MYRIP: variants seen among roughly 807,000 people sequenced by gnomAD.
The protein encoded by MYRIP is myosin VIIA and Rab interacting protein, also known as rab effector MyRIP.
A neutral mutation model predicts 98.0 loss-of-function variants in MYRIP; 49 were observed. The observed-to-expected ratio is 0.50, with a 90% CI of 0.40 to 0.63. MYRIP has a LOEUF of 0.63. Ranked by LOEUF, MYRIP falls within the 30% of genes least tolerant of loss-of-function variation. The pLI is 0.00. For synonymous variants in MYRIP, 404 were observed against 409.5 expected, an observed-to-expected ratio of 0.99 and a Z score of 0.16; for missense variants, 1,004 against 1,058.2, an observed-to-expected ratio of 0.95 and a Z score of 0.71.
intron 1 of MYRIP, among the ~76,000 whole-genome samples, chr3:39,838,172 CCTTT>C (rs957441233): frequency 2.3e-4 from 35 of 149,274 alleles, no homozygotes; most frequent in African/African-American, 8.5e-4. Context: ...AATTTGACTT[CCTTT>C]CTTCCTATTT....
intron 1 of MYRIP, among the ~76,000 whole-genome samples, chr3:39,878,211 A>C (rs537206720): frequency 1.0e-3 from 157 of 152,250 alleles, no homozygotes; most frequent in South Asian, 5.8e-3. Context: ...GCGCAGTATT[A>C]GGGTGGGAGT....
intron 1 of MYRIP, among the ~76,000 whole-genome samples, chr3:39,863,970 C>T (rs540661607): frequency 1.4e-4 from 22 of 152,290 alleles, no homozygotes; most frequent in African/African-American, 5.3e-4. Flanking sequence ...TAGGCTGTAT[C>T]TCTGGGACGC....
chr3:40,087,831 C>A (rs1948659037), intron 3 of MYRIP, among the ~76,000 whole-genome samples: 1 of 152,142 alleles, frequency 6.6e-6, no homozygotes, highest in African/African-American at 2.4e-5. Flanking sequence ...CAGGAAGATT[C>A]AGATTGAAGA....
intron 5 of MYRIP, among the ~76,000 whole-genome samples, chr3:40,166,437 G>T (rs1234356860): frequency 6.6e-6 from 1 of 152,172 alleles, no homozygotes; most frequent in East Asian, 1.9e-4. Context: ...AAGGGGCCGG[G>T]GGTATGGAGC....
intron 1 of MYRIP, among the ~76,000 whole-genome samples, chr3:39,856,807 A>C (rs1942308781): frequency 6.6e-6 from 1 of 152,214 alleles, no homozygotes; most frequent in Non-Finnish European, 1.5e-5. Flanking sequence ...CCTTGAAGAG[A>C]TAATTAACTC....
At chr3:39,823,721 G>GA (rs1941184564) in intron 1 of MYRIP, among the ~76,000 whole-genome samples, 1 of 151,750 alleles carries the variant, frequency 6.6e-6, no homozygotes, top group Non-Finnish European at 1.5e-5. Flanking sequence ...TGAGATGTTT[G>GA]ACTTCATTTT....
At chr3:39,929,262 C>T (rs527712134) in intron 2 of MYRIP, among the ~76,000 whole-genome samples, 2 of 152,066 alleles carry the variant, frequency 1.3e-5, no homozygotes, top group South Asian at 4.1e-4. Flanking sequence ...GAGAGACATA[C>T]AGTGTTCATA....
At chr3:39,887,021 C>G (rs1213437970) in intron 1 of MYRIP, among the ~76,000 whole-genome samples, 4 of 151,662 alleles carry the variant, frequency 2.6e-5, no homozygotes, top group African/African-American at 9.7e-5. Context: ...AACTAGAACT[C>G]AGGATTAAGA....
intron 2 of MYRIP, among the ~76,000 whole-genome samples, chr3:40,009,012 CT>C (rs1946696221): frequency 6.6e-6 from 1 of 152,158 alleles, no homozygotes; most frequent in Non-Finnish European, 1.5e-5. Context: ...GGTGACAGGA[CT>C]TACTGTCACA....
intron 1 of MYRIP, among the ~76,000 whole-genome samples, chr3:39,831,191 AT>A (rs1941435166): frequency 6.6e-6 from 1 of 151,982 alleles, no homozygotes; most frequent in Non-Finnish European, 1.5e-5. Context: ...TCAGGCTTTA[AT>A]CTTCTTTACC....
Position 40,210,045 on chromosome 3 carries a change from T to C in MYRIP, c.1857T>C (p.Ser619=), listed in dbSNP as rs758016787. 3 of 1,614,042 alleles carry C rather than the reference T, an allele frequency of 1.9e-6. No individual in the cohort carries two copies. Among genetic ancestry groups the C allele is most frequent in the Non-Finnish European group, 2.5e-6 (3 of 1,179,950 alleles). ...CAGAATCTGAGAACCAGAAGGAAAG[T>C]CTGTCCTCTGAAGACAACAGCCAGA... ...PKTESENQKE[S]LSSEDNSQSV... is the part of the protein sequence containing the mutation. The change falls in exon 11 of 17, where the codon AGT becomes AGC. Residue 619 remains serine (S), a synonymous_variant. Coordinates refer to ENST00000302541, the MANE Select transcript of MYRIP (RefSeq NM_015460.4).
At chr3:39,965,638 T>A (rs190584686) in intron 2 of MYRIP, among the ~76,000 whole-genome samples, 3 of 152,118 alleles carry the variant, frequency 2.0e-5, no homozygotes, top group Admixed American at 2.0e-4. Flanking sequence ...ATGAGTCAGG[T>A]CATCAGAAAG....
intron 2 of MYRIP, among the ~76,000 whole-genome samples, chr3:39,968,241 A>G (rs1945488823): frequency 6.7e-6 from 1 of 149,694 alleles, no homozygotes. Context: ...TTTGAGATAT[A>G]GTGGCACAAT....
rs778695216 is a variant in MYRIP at position 40,182,287 on chromosome 3, C to T, written c.941C>T (p.Ser314Leu). Residue 314 changes from serine to leucine, a missense_variant, in exon 9 of 17, where the codon TCG (serine) becomes TTG (leucine). Physicochemically the swap from Ser to Leu is moderately radical, Grantham distance 145. Transcript: ENST00000302541. ...ALKTPPVEAPSRQPRDQGQHP... is the reference protein window; with the variant it reads ...ALKTPPVEAPLRQPRDQGQHP... ...AAGACCCCTCCAGTGGAGGCTCCAT[C>T]GAGGCAGCCAAGGGACCAAGGCCAA... The T allele has an allele frequency of 2.5e-5, 40 of 1,613,860 alleles. No individual in the cohort carries two copies. The highest frequency in any genetic ancestry group is 9.3e-5 in the African/African-American group (7 of 74,910).
intron 4 of MYRIP, among the ~76,000 whole-genome samples, chr3:40,160,572 G>C (rs2371142): frequency 0.75 from 113,428 of 152,080 alleles, 42,598 homozygotes; most frequent in Admixed American, 0.82. Flanking sequence ...CCTGGGCAAT[G>C]GCGGGCGCCC....
At chr3:39,974,537 C>G (rs886420054) in intron 2 of MYRIP, among the ~76,000 whole-genome samples, 2 of 152,138 alleles carry the variant, frequency 1.3e-5, no homozygotes, top group African/African-American at 4.8e-5. Flanking sequence ...GGGAATCCTC[C>G]CTAACTCATT....
At chr3:40,221,070 A>C in intron 11 of MYRIP, among the ~76,000 whole-genome samples, 1 of 151,298 alleles carries the variant, frequency 6.6e-6, no homozygotes, top group Non-Finnish European at 1.5e-5. Context: ...AAAAAAAGAG[A>C]AAATGTAAAT....
At chr3:40,156,380 T>G (rs1302058126) in intron 4 of MYRIP, among the ~76,000 whole-genome samples, 1 of 152,170 alleles carries the variant, frequency 6.6e-6, no homozygotes, top group Non-Finnish European at 1.5e-5. Flanking sequence ...GTACCATGCT[T>G]GTTTGGTTAC....
chr3:39,938,038 C>A (rs1484777388), intron 2 of MYRIP, among the ~76,000 whole-genome samples: 1 of 152,118 alleles, frequency 6.6e-6, no homozygotes, highest in East Asian at 1.9e-4. Flanking sequence ...TAGGAGAAAG[C>A]AGGAAGCTTG....
Sources: gnomAD v4.1 joint callset for allele counts (sites outside exome capture counted in the v4.1 genomes callset) on GRCh38, gnomAD v4.1.1 for gene constraint, MANE v1.5 for transcripts, NCBI Gene and HGNC (gene_info 2026-07-23, HGNC 2026-07-21) for gene names.